The following PDE10A variants were observed in gnomAD, a reference collection of about 807,000 sequenced individuals.
PDE10A encodes cAMP and cAMP-inhibited cGMP 3',5'-cyclic phosphodiesterase 10A.
PDE10A carries 39 observed loss-of-function variants against 97.7 expected under a neutral mutation model. The ratio of observed to expected loss-of-function variants is 0.40; its 90% confidence interval spans 0.31 to 0.52. The LOEUF is 0.52. Among genes scored for constraint, PDE10A ranks in the 20% least tolerant of loss-of-function variants. The pLI, the probability that PDE10A is intolerant of heterozygous loss-of-function variation, is 0.56. For missense variants in PDE10A, 731 were observed against 1,047.8 expected (o/e 0.70, Z 4.17); for synonymous variants, 371 against 376.8 (o/e 0.98, Z 0.18).
chr6:165,696,657 A>G (rs1307160876), intron 1 of PDE10A, among the ~76,000 whole-genome samples: 1 of 152,238 alleles, frequency 6.6e-6, no homozygotes, highest in Non-Finnish European at 1.5e-5. Context: ...TATGACCCAT[A>G]TACTGGGGAG....
chr6:165,656,236 ACTCT>A (rs750085509), intron 1 of PDE10A, among the ~76,000 whole-genome samples: 36 of 126,012 alleles, frequency 2.9e-4, no homozygotes, highest in South Asian at 1.6e-3. Context: ...TCCAACCCCA[ACTCT>A]CTCTCTCTCT....
intron 1 of PDE10A, among the ~76,000 whole-genome samples, chr6:165,799,003 C>T (rs543832526): frequency 1.2e-4 from 19 of 152,236 alleles, no homozygotes; most frequent in South Asian, 2.1e-4. Context: ...TCACTGCACC[C>T]GGCCCCAATC....
intron 1 of PDE10A, among the ~76,000 whole-genome samples, chr6:165,742,914 CCAGCACTTG>C (rs911822727): frequency 6.6e-6 from 1 of 152,164 alleles, no homozygotes; most frequent in East Asian, 1.9e-4. Flanking sequence ...TTCTGAGCAC[CCAGCACTTG>C]CAGCACTTGC....
chr6:165,824,474 C>G (rs140298027), intron 1 of PDE10A, among the ~76,000 whole-genome samples: 6 of 152,316 alleles, frequency 3.9e-5, no homozygotes, highest in Middle Eastern at 3.4e-3. Context: ...TACTCATAAC[C>G]TATGTTTACC....
At chr6:165,857,035 C>T (rs1400674420) in intron 1 of PDE10A, among the ~76,000 whole-genome samples, 1 of 152,192 alleles carries the variant, frequency 6.6e-6, no homozygotes, top group Non-Finnish European at 1.5e-5. Flanking sequence ...ATTCATCACC[C>T]AAGATACGCA....
At chr6:165,884,083 G>A (rs1182610791) in intron 1 of PDE10A, among the ~76,000 whole-genome samples, 8 of 152,246 alleles carry the variant, frequency 5.3e-5, no homozygotes, top group African/African-American at 1.9e-4. Context: ...GGGAGGGTGT[G>A]CAGAGAAGGA....
chr6:165,955,024 T>C (rs1483082496), intron 1 of PDE10A, among the ~76,000 whole-genome samples: 1 of 152,162 alleles, frequency 6.6e-6, no homozygotes, highest in East Asian at 1.9e-4. Flanking sequence ...ATCTCCTCGC[T>C]GCCCAGGTTG....
intron 1 of PDE10A, among the ~76,000 whole-genome samples, chr6:165,966,164 T>TG (rs1353675252): frequency 6.6e-6 from 1 of 151,828 alleles, no homozygotes; most frequent in Non-Finnish European, 1.5e-5. Flanking sequence ...GAGGAAAGAG[T>TG]GGGGATGTAG....
At chr6:165,543,289 C>T (rs1783559557) in intron 2 of PDE10A, 151 bp downstream of exon 2, 2 of 515,534 alleles carry the variant, frequency 3.9e-6, no homozygotes, top group Non-Finnish European at 6.0e-6. Context: ...CTCTAACTTA[C>T]TTTATCTTTT....
intron 2 of PDE10A, among the ~76,000 whole-genome samples, chr6:165,486,196 T>C (rs867197706): frequency 1.3e-5 from 2 of 152,230 alleles, no homozygotes; most frequent in Non-Finnish European, 2.9e-5. Context: ...TAATGTGTGA[T>C]ATATTTTTCG....
chr6:165,487,574 G>T (rs1359063832), intron 2 of PDE10A, among the ~76,000 whole-genome samples: 1 of 152,174 alleles, frequency 6.6e-6, no homozygotes, highest in Non-Finnish European at 1.5e-5. Context: ...GGTGCCAAAA[G>T]GTTGGGAACC....
intron 1 of PDE10A, among the ~76,000 whole-genome samples, chr6:165,617,612 T>C (rs1018785950): frequency 6.6e-6 from 1 of 152,102 alleles, no homozygotes; most frequent in African/African-American, 2.4e-5. Flanking sequence ...AGACTGCGAT[T>C]AGGGTGAACA....
chr6:165,620,283 C>T (rs189900266), intron 1 of PDE10A, among the ~76,000 whole-genome samples: 172 of 152,286 alleles, frequency 1.1e-3, no homozygotes, highest in African/African-American at 4.0e-3. Flanking sequence ...CTCCCACCCC[C>T]ACCCTGGCCA....
chr6:165,707,401 C>A (rs1402752253), intron 1 of PDE10A, among the ~76,000 whole-genome samples: 1 of 152,358 alleles, frequency 6.6e-6, no homozygotes, highest in African/African-American at 2.4e-5. Flanking sequence ...CCTCTTCCAC[C>A]TTCTGAGAGT....
At chr6:165,496,980 C>T (rs1780573959) in intron 2 of PDE10A, among the ~76,000 whole-genome samples, 1 of 152,098 alleles carries the variant, frequency 6.6e-6, no homozygotes. Flanking sequence ...CTGATCTGTG[C>T]TAATAAACCC....
chr6:165,878,399 T>C (rs1426940288), intron 1 of PDE10A, among the ~76,000 whole-genome samples: 2 of 152,194 alleles, frequency 1.3e-5, no homozygotes, highest in East Asian at 3.9e-4. Context: ...CTGCTACTTA[T>C]AGGGTCAGTA....
intron 1 of PDE10A, among the ~76,000 whole-genome samples, chr6:165,858,701 C>A (rs1425705790): frequency 6.6e-6 from 1 of 152,160 alleles, no homozygotes. Flanking sequence ...ATGTGTGGTG[C>A]CCTAGAAGAC....
chr6:165,681,410 G>C (rs1395853453), intron 1 of PDE10A, among the ~76,000 whole-genome samples: 2 of 150,626 alleles, frequency 1.3e-5, no homozygotes, highest in Non-Finnish European at 2.9e-5. Flanking sequence ...GTGTGTGTGT[G>C]TGTGTGTGTG....
intron 3 of PDE10A, among the ~76,000 whole-genome samples, chr6:165,467,484 G>A (rs1250343299): frequency 1.3e-5 from 2 of 152,196 alleles, no homozygotes; most frequent in Non-Finnish European, 2.9e-5. Context: ...AGTGACCACT[G>A]CAAAAATTCT....
Sources: allele counts gnomAD v4.1 joint callset (sites outside exome capture counted in the v4.1 genomes callset), GRCh38; gene constraint gnomAD v4.1.1; transcripts MANE v1.5; gene names NCBI Gene and HGNC (gene_info 2026-07-23, HGNC 2026-07-21).